Variants in ORC5 observed in about 807,000 individuals in gnomAD.
ORC5 encodes origin recognition complex subunit 5.
Under a neutral mutation model 58.8 loss-of-function variants are expected in ORC5, and 39 were observed. That is an observed-to-expected ratio of 0.66 (90% CI 0.51 to 0.87). The LOEUF (loss-of-function observed/expected upper bound fraction) is 0.87. ORC5 is among the 40% of genes least tolerant of loss of function. ORC5 has a pLI of 0.00. For synonymous variants in ORC5, 218 were observed against 177.6 expected (o/e 1.23, Z -1.81); for missense variants, 493 against 506.3 (o/e 0.97, Z 0.25).
chr7:104,176,642 A>C (rs1196398677), intron 8 of ORC5, among the ~76,000 whole-genome samples: 3 of 151,430 alleles, frequency 2.0e-5, no homozygotes, highest in African/African-American at 4.8e-5. Context: ...ATAGTTTTTC[A>C]GGTTTTTGTG....
intron 8 of ORC5, among the ~76,000 whole-genome samples, chr7:104,169,911 G>A (rs12112576): frequency 0.098 from 14,860 of 152,008 alleles, 2,390 homozygotes; most frequent in African/African-American, 0.34. Flanking sequence ...TTGGAGCTAA[G>A]CTTAATTAAA....
intron 12 of ORC5, among the ~76,000 whole-genome samples, chr7:104,137,504 G>A (rs932753762): frequency 6.6e-6 from 1 of 151,942 alleles, no homozygotes; most frequent in Non-Finnish European, 1.5e-5. Flanking sequence ...CAGTTTTTGT[G>A]CCTAAATATT....
At chr7:104,134,416 CAAAAAAAAAA>C (rs1170848776) in intron 13 of ORC5, among the ~76,000 whole-genome samples, 390 of 51,834 alleles carry the variant, frequency 7.5e-3, no homozygotes, top group African/African-American at 0.026. Flanking sequence ...CACTCCATCT[CAAAAAAAAAA>C]AAAAAAAAAA....
At chr7:104,200,736 C>T in intron 3 of ORC5, 22 bp downstream of exon 3, 1 of 1,371,850 alleles carries the variant, frequency 7.3e-7, no homozygotes, top group Non-Finnish European at 1.0e-6. Flanking sequence ...AAGAGATGAT[C>T]TAATCAAATG....
chr7:104,138,089 G>C lies in ORC5; in HGVS notation c.1150-1196C>G, dbSNP rs1798619087. On this transcript the variant is annotated intron_variant, in intron 12 of 13. Coordinates refer to ENST00000297431, the MANE Select transcript of ORC5 (RefSeq NM_002553.4). The surrounding 1 kb of genome is among the most constrained non-coding windows in gnomAD (Gnocchi z 4.7). ...GTCTGCATGCTCCCATTAGAGGTTT[G>C]AGCAGCGGGACACTGAAGAAGCAAG... 6.6e-6 allele frequency among the ~76,000 whole-genome samples: 1 copy of C among 152,178 alleles called. No homozygotes were observed. The highest frequency in any genetic ancestry group is 2.4e-5 in the African/African-American group (1 of 41,446).
At chr7:104,176,534 T>G (rs1157677790) in intron 8 of ORC5, among the ~76,000 whole-genome samples, 1 of 139,578 alleles carries the variant, frequency 7.2e-6, no homozygotes, top group Non-Finnish European at 1.5e-5. Flanking sequence ...TCTTACGATC[T>G]CTCTGCTTTA....
intron 12 of ORC5, among the ~76,000 whole-genome samples, chr7:104,159,518 G>C (rs1190727097): frequency 7.2e-6 from 1 of 138,590 alleles, no homozygotes. Context: ...TGTAGAGAAA[G>C]CCAAAAAAAA....
chr7:104,184,268 AT>A, intron 6 of ORC5, 97 bp from the exon 7 acceptor site: 1 of 710,806 alleles, frequency 1.4e-6, no homozygotes, highest in Non-Finnish European at 2.2e-6. Flanking sequence ...AGTTCAGGAA[AT>A]TTTACTTAAC....
At position 104,133,273 on chromosome 7, in the gene ORC5, T is replaced by C. The variant is rs914261218; in HGVS notation, c.1262+3508A>G. 6.6e-6 allele frequency among the ~76,000 whole-genome samples: 1 copy of C among 152,110 alleles called. No individual in the cohort carries two copies. On this transcript the variant is annotated intron_variant, in intron 13 of 13. Coordinates refer to ENST00000297431, the MANE Select transcript of ORC5 (RefSeq NM_002553.4). The surrounding 1 kb of genome is among the most constrained non-coding windows in gnomAD (Gnocchi z 4.7). ...ATCAATTAGACTGTTAGAGAAGAGA[T>C]GATGGTGGCTTGATCTAGAGTGGTA...
intron 8 of ORC5, among the ~76,000 whole-genome samples, chr7:104,170,807 T>A (rs974023015): frequency 6.6e-6 from 1 of 152,218 alleles, no homozygotes; most frequent in Non-Finnish European, 1.5e-5. Flanking sequence ...AGATCTTAAC[T>A]CCAATCCATT....
Position 104,136,668 on chromosome 7 carries a change from G to T in ORC5, c.1262+113C>A. On this transcript the variant is annotated intron_variant, in intron 13 of 13. Coordinates refer to ENST00000297431, the MANE Select transcript of ORC5 (RefSeq NM_002553.4). The surrounding 1 kb of genome is among the most constrained non-coding windows in gnomAD (Gnocchi z 4.2). ...TCTATCGTACAGCTTATTCATTCTT[G>T]GCACTTAAATAGATGATTTTTTCAT... 1.5e-6 allele frequency: 1 copy of T among 655,286 alleles called. No homozygotes were observed. Among genetic ancestry groups the T allele is most frequent in the Non-Finnish European group, 2.7e-6 (1 of 376,442 alleles). The allele number at this position is 655,286 out of a possible 1,614,324, so 40.6% of individuals were successfully genotyped here.
intron 12 of ORC5, among the ~76,000 whole-genome samples, chr7:104,146,808 T>C (rs1348281237): frequency 6.6e-6 from 1 of 152,018 alleles, no homozygotes; most frequent in Admixed American, 6.6e-5. Context: ...AGAATACAAA[T>C]AGAAGTAGGG....
At chr7:104,158,856 A>G (rs533901513) in intron 12 of ORC5, among the ~76,000 whole-genome samples, 49 of 152,144 alleles carry the variant, frequency 3.2e-4, no homozygotes, top group Admixed American at 1.0e-3. Flanking sequence ...GTGGAGAAAT[A>G]GGAACACTTT....
chr7:104,188,116 A>G (rs1799588857), intron 6 of ORC5, 135 bp downstream of exon 6: 2 of 961,730 alleles, frequency 2.1e-6, no homozygotes, highest in East Asian at 2.8e-5. Context: ...AAATTCCCAG[A>G]ATAAAATTTC....
intron 12 of ORC5, among the ~76,000 whole-genome samples, chr7:104,149,034 A>G (rs1386244405): frequency 2.0e-4 from 1 of 5,064 alleles, no homozygotes; most frequent in Non-Finnish European, 2.9e-4. Context: ...ACTCCGTCTC[A>G]AAAAAAAAAA....
At chr7:104,177,595 T>C (rs1336499385) in intron 8 of ORC5, among the ~76,000 whole-genome samples, 1 of 152,212 alleles carries the variant, frequency 6.6e-6, no homozygotes, top group Non-Finnish European at 1.5e-5. Context: ...AGTTCTAGCA[T>C]ACACGTGCAG....
chr7:104,144,046 G>C (rs932706586), intron 12 of ORC5, among the ~76,000 whole-genome samples: 6 of 152,204 alleles, frequency 3.9e-5, no homozygotes, highest in East Asian at 1.9e-4. Flanking sequence ...TTGAACCCAG[G>C]GGGTGGAGGT....
intron 12 of ORC5, among the ~76,000 whole-genome samples, chr7:104,159,697 ACT>A (rs896172514): frequency 6.6e-6 from 1 of 152,134 alleles, no homozygotes; most frequent in African/African-American, 2.4e-5. Flanking sequence ...GTTCAAAAGC[ACT>A]GTCTGTCTCA....
chr7:104,185,863 A>G (rs985960193), intron 6 of ORC5, among the ~76,000 whole-genome samples: 3 of 152,008 alleles, frequency 2.0e-5, no homozygotes, highest in African/African-American at 7.2e-5. Context: ...GGCACAGAAA[A>G]AGATATATAT....
Sources: allele counts gnomAD v4.1 joint callset (sites outside exome capture counted in the v4.1 genomes callset), GRCh38; gene constraint gnomAD v4.1.1; non-coding constraint Gnocchi (gnomAD v3.1); transcripts MANE v1.5; gene names NCBI Gene and HGNC (gene_info 2026-07-23, HGNC 2026-07-21).